The following RAD51B variants were observed in gnomAD, a reference collection of about 807,000 sequenced individuals.
RAD51B encodes the protein RAD51 paralog B.
In RAD51B, 38 loss-of-function variants were observed where a neutral mutation model predicts 42.2. That is an observed-to-expected ratio of 0.90 (90% CI 0.70 to 1.18). The LOEUF (loss-of-function observed/expected upper bound fraction) is 1.18, where lower values mean the gene tolerates loss of function less well. RAD51B is among the 50% of genes most tolerant of loss of function. RAD51B has a pLI of 0.00. For synonymous variants in RAD51B, 154 were observed against 145.2 expected (o/e 1.06, Z -0.43); for missense variants, 373 against 400.7 (o/e 0.93, Z 0.59).
At position 67,919,233 on chromosome 14, in the gene RAD51B, T is replaced by C. The variant is rs1029881666; in HGVS notation, c.756+32029T>C. Among the ~76,000 whole-genome samples the C allele has an allele frequency of 7.9e-5, 12 of 152,294 alleles. No individual in the cohort carries two copies. The East Asian group carries it at 2.1e-3, about 27-fold the overall frequency. ...GTACATGCAAGTAGGCAGGCAATTA[T>C]AGTATTCTGTGAAGGTTCGTAAAGT... On this transcript the variant is annotated intron_variant, in intron 7 of 10. Coordinates refer to ENST00000471583, the MANE Select transcript of RAD51B (RefSeq NM_133510.4).
intron 8 of RAD51B, among the ~76,000 whole-genome samples, chr14:68,327,248 A>G: frequency 6.6e-6 from 1 of 152,098 alleles, no homozygotes; most frequent in Admixed American, 6.5e-5. Context: ...ATGATGTCAG[A>G]TATTTTTCTC....
chr14:68,555,399 G>T (rs1013067757), intron 10 of RAD51B, among the ~76,000 whole-genome samples: 14 of 152,186 alleles, frequency 9.2e-5, no homozygotes, highest in Non-Finnish European at 1.9e-4. Flanking sequence ...CATGAAACGC[G>T]CCAGAGTGTC....
intron 7 of RAD51B, among the ~76,000 whole-genome samples, chr14:68,087,793 A>G (rs1275749394): frequency 2.1e-5 from 3 of 144,702 alleles, no homozygotes; most frequent in African/African-American, 7.7e-5. Flanking sequence ...TTGACTTAAA[A>G]TAATTATTTT....
chr14:68,647,922 CCCG>C (rs1376564085), intron 10 of RAD51B, among the ~76,000 whole-genome samples: 7 of 151,252 alleles, frequency 4.6e-5, no homozygotes, highest in African/African-American at 1.7e-4. Context: ...AGGGGATCCA[CCCG>C]CCTTGGCCTC....
rs564893623 is a variant in RAD51B, at chr14:68,663,027, G to C, written c.*11+12171G>C. On this transcript the variant is annotated intron_variant, in intron 11 of 11. Transcript: ENST00000488612. ...AAGAGACAGGAGGGTGGGGCCAGGC[G>C]TGGTGGGTCACCCCTGTAATCCCAG... Among the ~76,000 whole-genome samples, 16 of 152,362 alleles carry C rather than the reference G, an allele frequency of 1.1e-4. 1 individual carries two copies. Among genetic ancestry groups the C allele is most frequent in the Middle Eastern group, 6.8e-3 (2 of 294 alleles).
chr14:68,132,673 C>T (rs972689673), intron 7 of RAD51B, among the ~76,000 whole-genome samples: 1 of 152,208 alleles, frequency 6.6e-6, no homozygotes, highest in Non-Finnish European at 1.5e-5. Flanking sequence ...CCAGAAACTG[C>T]TAGAACCAGA....
intron 8 of RAD51B, among the ~76,000 whole-genome samples, chr14:68,327,527 C>T (rs1222845373): frequency 2.0e-5 from 3 of 151,976 alleles, no homozygotes; most frequent in African/African-American, 7.3e-5. Context: ...CCAAAGACTC[C>T]TCTGGGAATC....
intron 10 of RAD51B, among the ~76,000 whole-genome samples, chr14:68,506,623 G>A (rs57226339): frequency 0.02 from 3,016 of 152,320 alleles, 108 homozygotes; most frequent in African/African-American, 0.069. Flanking sequence ...CTGAGTGGGC[G>A]CAAAGTTCTG....
chr14:68,141,473 G>C lies in RAD51B; in HGVS notation c.757-150411G>C, dbSNP rs575030183. Among the ~76,000 whole-genome samples the C allele has an allele frequency of 3.9e-5, 6 of 152,286 alleles. No homozygotes were observed. The South Asian group carries it at 1.2e-3, about 32-fold the overall frequency. ...AAATGATAAATTCCCTGGCAAGAGA[G>C]ACCAGCTTAATCATGATTGCATCTG... is the stretch of plus-strand genomic sequence containing the variant. On this transcript the variant is annotated intron_variant, in intron 7 of 10. Coordinates refer to ENST00000471583, the MANE Select transcript of RAD51B (RefSeq NM_133510.4).
intron 8 of RAD51B, among the ~76,000 whole-genome samples, chr14:68,363,412 T>G (rs1274937871): frequency 6.6e-6 from 1 of 152,248 alleles, no homozygotes; most frequent in Non-Finnish European, 1.5e-5. Flanking sequence ...ATAAACTGTA[T>G]GATATATCTG....
Position 67,890,984 on chromosome 14 carries a change from A to G in RAD51B, c.756+3780A>G, listed in dbSNP as rs555146011. ...AAGAAAATGAAAATGCATTGCTTAG[A>G]TAACAGGACTTTCACCTTTTGAAAA... On this transcript the variant is annotated intron_variant, in intron 7 of 10. Transcript: ENST00000471583. 3.9e-5 allele frequency among the ~76,000 whole-genome samples: 6 copies of G among 152,324 alleles called. No homozygotes were observed. In the South Asian group the frequency reaches 6.2e-4, roughly 16 times the overall value.
chr14:68,189,212 GA>G (rs1382313502), intron 7 of RAD51B, among the ~76,000 whole-genome samples: 2 of 152,040 alleles, frequency 1.3e-5, no homozygotes, highest in East Asian at 3.8e-4. Context: ...TGCCAGGTCT[GA>G]ATTTGTACCT....
At chr14:68,424,028 G>A (rs1002415616) in intron 9 of RAD51B, among the ~76,000 whole-genome samples, 5 of 152,064 alleles carry the variant, frequency 3.3e-5, no homozygotes, top group Non-Finnish European at 7.4e-5. Flanking sequence ...GTCATTTATC[G>A]TCAAAGAAGA....
chr14:68,267,477 T>C (rs2081015251), intron 7 of RAD51B, among the ~76,000 whole-genome samples: 1 of 152,174 alleles, frequency 6.6e-6, no homozygotes, highest in African/African-American at 2.4e-5. Context: ...AGAATTAGTC[T>C]TCTAGAATTC....
At chr14:68,203,659 C>T (rs922159150) in intron 7 of RAD51B, among the ~76,000 whole-genome samples, 2 of 152,156 alleles carry the variant, frequency 1.3e-5, no homozygotes, top group Non-Finnish European at 2.9e-5. Flanking sequence ...TGAGATGGCA[C>T]CTTCTTCCAA....
chr14:68,257,246 AAT>A (rs934783043), intron 7 of RAD51B, among the ~76,000 whole-genome samples: 3 of 152,184 alleles, frequency 2.0e-5, no homozygotes, highest in African/African-American at 7.2e-5. Flanking sequence ...ATTTATTGGG[AAT>A]AAGAAAACAT....
chr14:68,182,267 A>G (rs929443495), intron 7 of RAD51B, among the ~76,000 whole-genome samples: 2 of 152,192 alleles, frequency 1.3e-5, no homozygotes, highest in Non-Finnish European at 2.9e-5. Context: ...TACTTTTTCC[A>G]ATTTTGACTG....
intron 10 of RAD51B, among the ~76,000 whole-genome samples, chr14:68,593,431 G>A (rs1280642678): frequency 1.3e-5 from 2 of 152,242 alleles, no homozygotes; most frequent in Non-Finnish European, 1.5e-5. Context: ...AGAAGCTGCA[G>A]GTAGGGGACA....
intron 10 of RAD51B, among the ~76,000 whole-genome samples, chr14:68,532,158 A>T (rs1247978294): frequency 2.6e-5 from 4 of 152,240 alleles, no homozygotes; most frequent in African/African-American, 9.6e-5. Flanking sequence ...TCTGATTTTT[A>T]AAACTCAATA....
Sources: gnomAD v4.1 joint callset for allele counts (sites outside exome capture counted in the v4.1 genomes callset) on GRCh38, gnomAD v4.1.1 for gene constraint, MANE v1.5 for transcripts, NCBI Gene and HGNC (gene_info 2026-07-23, HGNC 2026-07-21) for gene names.